Variants in ZNF212 observed in about 807,000 individuals in gnomAD.
The protein encoded by ZNF212 is zinc finger protein 212.
Under a neutral mutation model 47.3 loss-of-function variants are expected in ZNF212, and 32 were observed. That is an observed-to-expected ratio of 0.68 (90% CI 0.51 to 0.91). ZNF212 has a LOEUF of 0.91. ZNF212 is among the 40% of genes least tolerant of loss of function. The pLI is 0.00. For missense variants in ZNF212, 555 were observed against 622.8 expected (o/e 0.89, Z 1.16); for synonymous variants, 242 against 253.8 (o/e 0.95, Z 0.44).
At position 149,250,732 on chromosome 7, in the gene ZNF212, G is replaced by C; in HGVS notation, c.466G>C (p.Glu156Gln). The C allele has an allele frequency of 6.2e-7, 1 of 1,614,254 alleles. No homozygotes were observed. The highest frequency in any genetic ancestry group is 8.5e-7 in the Non-Finnish European group (1 of 1,180,048). The stretch of plus-strand genomic sequence containing the variant: ...CGTCTGTTTCACCGAGCAGGAATGG[G>C]AGAATCTGGAGGATTGGCAGAAGGA... ...DGVCFTEQEWENLEDWQKELY... is the reference protein window; with the variant it reads ...DGVCFTEQEWQNLEDWQKELY... Residue 156 changes from glutamate to glutamine, a missense_variant, in exon 3 of 5, where the codon GAG (glutamate) becomes CAG (glutamine). Transcript: ENST00000335870.
intron 1 of ZNF212, among the ~76,000 whole-genome samples, chr7:149,247,603 C>A (rs889644081): frequency 5.3e-5 from 8 of 152,130 alleles, no homozygotes; most frequent in African/African-American, 1.9e-4. Context: ...TATAGTGTGT[C>A]TGTTTCCTAG....
rs764941775 is a variant in ZNF212, at chr7:149,253,589, AG to A, written c.663del (p.Gln221HisfsTer24). The part of the protein sequence containing the change: ...AGGVMIKQEL[Q>X]YTQEGPADLP... ...GGGGTCATGATCAAACAGGAGCTAC[AG>A]TATACACAGGAAGGCCCTGCGGATC... is the stretch of plus-strand genomic sequence containing the variant. On this transcript the variant is annotated frameshift_variant, in exon 5 of 5. Coordinates refer to ENST00000335870, the MANE Select transcript of ZNF212 (RefSeq NM_012256.4). LOFTEE classifies it high-confidence loss of function. The A allele has an allele frequency of 1.2e-6, 2 of 1,611,496 alleles. No homozygotes were observed. Among genetic ancestry groups the A allele is most frequent in the Non-Finnish European group, 1.7e-6 (2 of 1,177,838 alleles).
rs1796733810 is a variant in ZNF212, at chr7:149,250,298, T to A, written c.164T>A (p.Met55Lys). 2 of 1,613,244 alleles carry A rather than the reference T, an allele frequency of 1.2e-6. No individual in the cohort carries two copies. Among genetic ancestry groups the A allele is most frequent in the African/African-American group, 1.3e-5 (1 of 74,674 alleles). ...VAAIQAVEKK[M>K]ESQAARLQSL... is the part of the protein sequence containing the mutation. Reference sequence around the variant, plus strand: ...GCTATTCAGGCTGTGGAGAAGAAGATGGAGTCCCAGGCTGCCCGGCTACAG... The same window carrying A: ...GCTATTCAGGCTGTGGAGAAGAAGAAGGAGTCCCAGGCTGCCCGGCTACAG... Residue 55 changes from methionine (M) to lysine (K), a missense_variant, in exon 2 of 5, where the codon ATG (methionine) becomes AAG (lysine). Coordinates refer to ENST00000335870, the MANE Select transcript of ZNF212 (RefSeq NM_012256.4).
At chr7:149,250,892 G>A in intron 3 of ZNF212, 85 bp downstream of exon 3, 2 of 1,564,460 alleles carry the variant, frequency 1.3e-6, no homozygotes, top group Non-Finnish European at 1.7e-6. Context: ...CCACACCTGT[G>A]GCTCCTGTGG....
intron 3 of ZNF212, among the ~76,000 whole-genome samples, chr7:149,251,519 ACT>A (rs771129189): frequency 8.5e-4 from 60 of 70,624 alleles, no homozygotes; most frequent in Non-Finnish European, 1.4e-3. Context: ...TTTTTTTGAG[ACT>A]CTGTCACCTA....
intron 1 of ZNF212, among the ~76,000 whole-genome samples, chr7:149,249,531 C>G (rs1215408669): frequency 6.6e-6 from 1 of 151,970 alleles, no homozygotes; most frequent in Admixed American, 6.6e-5. Context: ...GCATAGGTAA[C>G]AGAACATACA....
chr7:149,240,853 G>C (rs1027221366), intron 1 of ZNF212, among the ~76,000 whole-genome samples: 1 of 152,212 alleles, frequency 6.6e-6, no homozygotes, highest in African/African-American at 2.4e-5. Context: ...GATTCTTGTA[G>C]AAAGTGCGTT....
At chr7:149,245,979 A>C (rs1218777419) in intron 1 of ZNF212, among the ~76,000 whole-genome samples, 1 of 152,120 alleles carries the variant, frequency 6.6e-6, no homozygotes, top group Non-Finnish European at 1.5e-5. Flanking sequence ...CATGTTTGTC[A>C]GTCTGATGGG....
Position 149,250,158 on chromosome 7 carries a change from G to T in ZNF212, c.25-1G>T. On this transcript the variant is annotated splice_acceptor_variant, in intron 1 of 4. Transcript: ENST00000335870. LOFTEE classifies it high-confidence loss of function. The stretch of plus-strand genomic sequence containing the variant: ...TTGACCCTGTGTCTTTAATCCATCA[G>T]CACAGGAGAAAACGACGCTCCACAC... 6.6e-7 allele frequency: 1 copy of T among 1,517,296 alleles called. No individual in the cohort carries two copies. The highest frequency in any genetic ancestry group is 8.8e-7 in the Non-Finnish European group (1 of 1,134,682). The allele number at this position is 1,517,296 out of a possible 1,614,324, so 94.0% of individuals were successfully genotyped here. A position where few individuals can be genotyped will look rare whatever the true frequency, so the allele number is the denominator to read the frequency against.
rs1005679448 is a variant in ZNF212 at position 149,254,612 on chromosome 7, C to T, written c.*197C>T. 2.8e-5 allele frequency: 22 copies of T among 779,922 alleles called. No homozygotes were observed. The allele number at this position is 779,922 out of a possible 1,614,324, so 48.3% of individuals were successfully genotyped here. A position where few individuals can be genotyped will look rare whatever the true frequency, so the allele number is the denominator to read the frequency against. Reference sequence around the variant, plus strand: ...GAGTCCAGGCCAGGTCTTCATCCTGCTGCCAAGTTTGCTGTTTCTTGGCAC... The same window carrying T: ...GAGTCCAGGCCAGGTCTTCATCCTGTTGCCAAGTTTGCTGTTTCTTGGCAC... On this transcript the variant is annotated 3_prime_UTR_variant, in exon 5 of 5. Coordinates refer to ENST00000335870, the MANE Select transcript of ZNF212 (RefSeq NM_012256.4). The surrounding 1 kb of genome is among the most constrained non-coding windows in gnomAD (Gnocchi z 4.5).
At chr7:149,249,378 A>C (rs1339676471) in intron 1 of ZNF212, among the ~76,000 whole-genome samples, 1 of 152,186 alleles carries the variant, frequency 6.6e-6, no homozygotes, top group Non-Finnish European at 1.5e-5. Context: ...GGGTGACATG[A>C]TCAACTATGA....
At chr7:149,240,073 C>T (rs953540739) in intron 1 of ZNF212, 5 of 392,470 alleles carry the variant, frequency 1.3e-5, no homozygotes, top group African/African-American at 2.1e-5. Context: ...GGATTTGTGA[C>T]CCTGCCCACA....
rs904034303 is a variant in ZNF212, at chr7:149,239,857, C to T, written c.24+55C>T. On this transcript the variant is annotated intron_variant, in intron 1 of 4. Coordinates refer to ENST00000335870, the MANE Select transcript of ZNF212 (RefSeq NM_012256.4). Reference sequence around the variant, plus strand: ...GGCGCGTTGGGGATGGCGGAGTCCCCTGCCGGGGGCGGGGCTTCGCGGTTT... The same window carrying T: ...GGCGCGTTGGGGATGGCGGAGTCCCTTGCCGGGGGCGGGGCTTCGCGGTTT... 7 of 1,262,870 alleles carry T rather than the reference C, an allele frequency of 5.5e-6. No individual in the cohort carries two copies. The African/African-American group carries it at 7.7e-5, about 14-fold the overall frequency. 78.2% of individuals were successfully genotyped at this position (1,262,870 alleles called of 1,614,324 possible).
intron 1 of ZNF212, among the ~76,000 whole-genome samples, chr7:149,244,606 C>A (rs1226045991): frequency 6.6e-6 from 1 of 152,212 alleles, no homozygotes; most frequent in African/African-American, 2.4e-5. Flanking sequence ...AGCCACTGCA[C>A]CTGGCCAGAA....
At chr7:149,246,813 C>CTTTTTTTTTTTTTTTTTT (rs71194633) in intron 1 of ZNF212, among the ~76,000 whole-genome samples, 1 of 103,592 alleles carries the variant, frequency 9.7e-6, no homozygotes, top group Admixed American at 1.2e-4. Context: ...TGTCTGAATT[C>CTTTTTTTTTTTTTTTTTT]TTTTTTTTTT....
Position 149,250,264 on chromosome 7 carries a change from G to C in ZNF212, c.130G>C (p.Val44Leu). The change falls in exon 2 of 5, where the codon GTG becomes CTG. Residue 44 changes from valine to leucine, a missense_variant. By Grantham distance (32) the Val-to-Leu change is conservative. Coordinates refer to ENST00000335870, the MANE Select transcript of ZNF212 (RefSeq NM_012256.4). ...GACCACCGAGATTTCACTCTGGACG[G>C]TGGTGGCCGCTATTCAGGCTGTGGA... is the stretch of plus-strand genomic sequence containing the variant. Reference protein sequence around the residue: ...FQTTEISLWTVVAAIQAVEKK... With the variant: ...FQTTEISLWTLVAAIQAVEKK... 6.2e-7 allele frequency: 1 copy of C among 1,613,306 alleles called. No homozygotes were observed. The highest frequency in any genetic ancestry group is 8.5e-7 in the Non-Finnish European group (1 of 1,179,568).
chr7:149,242,600 A>G (rs976739513), intron 1 of ZNF212, among the ~76,000 whole-genome samples: 1 of 152,252 alleles, frequency 6.6e-6, no homozygotes, highest in Non-Finnish European at 1.5e-5. Flanking sequence ...GAAATTCTAA[A>G]AGATATACCT....
chr7:149,244,750 AT>A (rs1796653688), intron 1 of ZNF212, among the ~76,000 whole-genome samples: 1 of 152,234 alleles, frequency 6.6e-6, no homozygotes, highest in African/African-American at 2.4e-5. Flanking sequence ...CTATTGGTTG[AT>A]GCTGGTGTGT....
intron 1 of ZNF212, among the ~76,000 whole-genome samples, chr7:149,248,079 A>G (rs1041391587): frequency 6.6e-6 from 1 of 152,214 alleles, no homozygotes; most frequent in Admixed American, 6.5e-5. Flanking sequence ...CATTCCTGCC[A>G]ATGACAGCTC....
Sources: allele counts gnomAD v4.1 joint callset (sites outside exome capture counted in the v4.1 genomes callset), GRCh38; gene constraint gnomAD v4.1.1; non-coding constraint Gnocchi (gnomAD v3.1); transcripts MANE v1.5; gene names NCBI Gene and HGNC (gene_info 2026-07-23, HGNC 2026-07-21).